ACTR2: variants seen among roughly 807,000 people sequenced by gnomAD.
ACTR2 encodes the protein actin related protein 2, also known as actin-related protein 2.
In ACTR2, 5 loss-of-function variants were observed where a neutral mutation model predicts 50.2. That is an observed-to-expected ratio of 0.10 (90% CI 0.05 to 0.21). ACTR2 has a LOEUF of 0.21. Among genes scored for constraint, ACTR2 ranks in the 10% least tolerant of loss-of-function variants. The probability of loss-of-function intolerance (pLI) is 1.00; values close to 1 mark genes in which losing one functional copy is unlikely to be tolerated. For missense variants in ACTR2, 180 were observed against 480.6 expected (o/e 0.37, Z 5.85); for synonymous variants, 140 against 162.9 (o/e 0.86, Z 1.07).
At position 65,268,899 on chromosome 2, in the gene ACTR2, G is replaced by A. The variant is rs2104029078; in HGVS notation, c.*165G>A. On this transcript the variant is annotated 3_prime_UTR_variant, in exon 9 of 9. Transcript: ENST00000260641. ...CTTGGGGAAGCTTTGTTAAATTTTT[G>A]TTAATGTGGGTAAATCTGAGTTTAA... 1 of 666,422 alleles carries A rather than the reference G, an allele frequency of 1.5e-6. No homozygotes were observed. The highest frequency in any genetic ancestry group is 2.5e-6 in the Non-Finnish European group (1 of 398,300). The allele number at this position is 666,422 out of a possible 1,614,324, so 41.3% of individuals were successfully genotyped here.
chr2:65,260,336 G>A (rs902587677), intron 6 of ACTR2, among the ~76,000 whole-genome samples: 129 of 152,128 alleles, frequency 8.5e-4, no homozygotes, highest in African/African-American at 2.9e-3. Flanking sequence ...ATGAAACCCC[G>A]TCTTTACTAA....
At chr2:65,231,593 G>GT (rs1671638423) in intron 1 of ACTR2, among the ~76,000 whole-genome samples, 1 of 152,078 alleles carries the variant, frequency 6.6e-6, no homozygotes, top group Admixed American at 6.6e-5. Context: ...CCAGCATTTT[G>GT]GGAGGCCGAG....
intron 6 of ACTR2, among the ~76,000 whole-genome samples, chr2:65,260,470 C>T (rs1672247459): frequency 6.6e-6 from 1 of 152,220 alleles, no homozygotes; most frequent in Non-Finnish European, 1.5e-5. Flanking sequence ...CGTGCCATTG[C>T]ACTCCAGCCT....
chr2:65,230,594 A>G (rs1005338320), intron 1 of ACTR2, among the ~76,000 whole-genome samples: 1 of 151,450 alleles, frequency 6.6e-6, no homozygotes, highest in African/African-American at 2.4e-5. Context: ...TTATTTTTGT[A>G]GAGACTGGGT....
intron 5 of ACTR2, 52 bp from the exon 6 acceptor site, chr2:65,255,493 A>G (rs1672133836): frequency 1.3e-6 from 2 of 1,538,930 alleles, no homozygotes; most frequent in Non-Finnish European, 1.8e-6. Context: ...GCTTTTGCAG[A>G]GTAGAACTCA....
intron 1 of ACTR2, among the ~76,000 whole-genome samples, chr2:65,231,599 C>A (rs914487001): frequency 1.3e-5 from 2 of 151,948 alleles, no homozygotes; most frequent in Non-Finnish European, 2.9e-5. Flanking sequence ...TTTTGGGAGG[C>A]CGAGGTGAGA....
At chr2:65,267,553 A>C (rs541733120) in intron 8 of ACTR2, among the ~76,000 whole-genome samples, 16 of 152,286 alleles carry the variant, frequency 1.1e-4, no homozygotes, top group Non-Finnish European at 1.9e-4. Context: ...ATGTCATTTT[A>C]AGGTTTCTCT....
At chr2:65,238,212 G>T (rs934352083) in intron 1 of ACTR2, among the ~76,000 whole-genome samples, 1 of 151,920 alleles carries the variant, frequency 6.6e-6, no homozygotes, top group Non-Finnish European at 1.5e-5. Flanking sequence ...AAAAGCTCTT[G>T]ATTCTCTCAA....
At position 65,261,405 on chromosome 2, in the gene ACTR2, T is replaced by C. The variant is rs372275227; in HGVS notation, c.881+13T>C. ...ACATTGATACCAGGTACATTAGAAG[T>C]GGTGATTTCAAAGTTATTTATCAGA... is the stretch of plus-strand genomic sequence containing the variant. On this transcript the variant is annotated intron_variant, in intron 7 of 8. Coordinates refer to ENST00000260641, the MANE Select transcript of ACTR2 (RefSeq NM_005722.4). 1.3e-6 allele frequency: 2 copies of C among 1,595,602 alleles called. No homozygotes were observed. Among genetic ancestry groups the C allele is most frequent in the African/African-American group, 2.7e-5 (2 of 74,128 alleles).
At chr2:65,245,494 T>G (rs1671918395) in intron 2 of ACTR2, among the ~76,000 whole-genome samples, 1 of 152,214 alleles carries the variant, frequency 6.6e-6, no homozygotes, top group Non-Finnish European at 1.5e-5. Flanking sequence ...CGCTCTAGCC[T>G]GGGCAGTAGA....
chr2:65,261,701 A>G (rs574124633), intron 7 of ACTR2, among the ~76,000 whole-genome samples: 1 of 152,218 alleles, frequency 6.6e-6, no homozygotes, highest in South Asian at 2.1e-4. Flanking sequence ...CTAAGGATAA[A>G]GATACTCTCT....
intron 7 of ACTR2, 78 bp from the exon 8 acceptor site, chr2:65,264,965 T>C: frequency 6.5e-7 from 1 of 1,529,930 alleles, no homozygotes; most frequent in Non-Finnish European, 9.0e-7. Context: ...ACCCCGAGGC[T>C]GACATAAGTA....
chr2:65,238,209 C>G (rs1206197479), intron 1 of ACTR2, among the ~76,000 whole-genome samples: 1 of 151,968 alleles, frequency 6.6e-6, no homozygotes, highest in Non-Finnish European at 1.5e-5. Flanking sequence ...ATTAAAAGCT[C>G]TTGATTCTCT....
chr2:65,245,639 CAT>C (rs1671922275), intron 2 of ACTR2, among the ~76,000 whole-genome samples: 1 of 152,064 alleles, frequency 6.6e-6, no homozygotes. Flanking sequence ...AATTTATCAA[CAT>C]ATGTAGAAAT....
chr2:65,230,982 A>C (rs1310247828), intron 1 of ACTR2, among the ~76,000 whole-genome samples: 3 of 151,530 alleles, frequency 2.0e-5, no homozygotes, highest in Non-Finnish European at 4.4e-5. Flanking sequence ...TGTACCTGGG[A>C]GGCAGAGGTT....
At chr2:65,244,102 T>C (rs942270833) in intron 2 of ACTR2, among the ~76,000 whole-genome samples, 3 of 152,236 alleles carry the variant, frequency 2.0e-5, no homozygotes, top group African/African-American at 7.2e-5. Context: ...AACATTTCTT[T>C]CAGTTAATCC....
intron 1 of ACTR2, among the ~76,000 whole-genome samples, chr2:65,239,492 G>C (rs1268404105): frequency 6.6e-6 from 1 of 152,216 alleles, no homozygotes; most frequent in Admixed American, 6.6e-5. Flanking sequence ...TTTGTTCAGC[G>C]AATTTGTCCA....
At chr2:65,257,059 T>G (rs1205827460) in intron 6 of ACTR2, among the ~76,000 whole-genome samples, 2 of 152,148 alleles carry the variant, frequency 1.3e-5, no homozygotes, top group African/African-American at 4.8e-5. Flanking sequence ...ACCTGTCATC[T>G]GCATTAGATA....
At chr2:65,243,977 T>C (rs1331928424) in intron 2 of ACTR2, among the ~76,000 whole-genome samples, 1 of 152,138 alleles carries the variant, frequency 6.6e-6, no homozygotes, top group African/African-American at 2.4e-5. Context: ...ATTTTCGATA[T>C]GAAAATTTTT....
Sources: allele counts gnomAD v4.1 joint callset (sites outside exome capture counted in the v4.1 genomes callset), GRCh38; gene constraint gnomAD v4.1.1; transcripts MANE v1.5; gene names NCBI Gene and HGNC (gene_info 2026-07-23, HGNC 2026-07-21).